The following JPH1 variants were observed in gnomAD, a reference collection of about 807,000 sequenced individuals.
The protein encoded by JPH1 is junctophilin-1.
JPH1 carries 12 observed loss-of-function variants against 53.6 expected under a neutral mutation model. The observed-to-expected ratio is 0.22, with a 90% CI of 0.14 to 0.36. The LOEUF (loss-of-function observed/expected upper bound fraction) is 0.36, where lower values mean the gene tolerates loss of function less well. Among genes scored for constraint, JPH1 ranks in the 10% least tolerant of loss-of-function variants. The pLI is 1.00. For missense variants in JPH1, 808 were observed against 905.5 expected (o/e 0.89, Z 1.38); for synonymous variants, 375 against 363.8 (o/e 1.03, Z -0.35).
At position 74,320,889 on chromosome 8, in the gene JPH1, C is replaced by G. The variant is rs1171034331; in HGVS notation, c.379+20G>C. ...CGCACCAGCTCGCGGAGCAGCCGAGCCGCCCGTTACGCCGCTCACCTCCGT... is the reference window on the plus strand; with the variant it reads ...CGCACCAGCTCGCGGAGCAGCCGAGGCGCCCGTTACGCCGCTCACCTCCGT... On this transcript the variant is annotated intron_variant, in intron 1 of 5. Coordinates refer to ENST00000342232, the MANE Select transcript of JPH1 (RefSeq NM_020647.4). This position sits in a 1 kb window ranked among gnomAD's most constrained non-coding sequence, Gnocchi z 4.4. The G allele has an allele frequency of 6.7e-7, 1 of 1,496,222 alleles. No individual in the cohort carries two copies. Among genetic ancestry groups the G allele is most frequent in the Non-Finnish European group, 8.9e-7 (1 of 1,123,468 alleles). 92.7% of individuals were successfully genotyped at this position (1,496,222 alleles called of 1,614,324 possible).
rs1293454673 is a variant in JPH1 at position 74,321,407 on chromosome 8, G to C, written c.-120C>G. 1.0e-6 allele frequency: 1 copy of C among 985,044 alleles called. No homozygotes were observed. Among genetic ancestry groups the C allele is most frequent in the Non-Finnish European group, 1.4e-6 (1 of 730,402 alleles). 61.0% of individuals were successfully genotyped at this position (985,044 alleles called of 1,614,324 possible). A position where few individuals can be genotyped will look rare whatever the true frequency, so the allele number is the denominator to read the frequency against. On this transcript the variant is annotated 5_prime_UTR_variant, in exon 1 of 6. Coordinates refer to ENST00000342232, the MANE Select transcript of JPH1 (RefSeq NM_020647.4). This position sits in a 1 kb window ranked among gnomAD's most constrained non-coding sequence, Gnocchi z 4.3. ...CGAGCTCACGACAGCGCCCTGGGCA[G>C]CTCGCGCTGCCGCTCGGCTCCAGTC...
intron 4 of JPH1, 39 bp from the exon 5 acceptor site, chr8:74,237,342 A>C: frequency 6.8e-7 from 1 of 1,474,774 alleles, no homozygotes; most frequent in Non-Finnish European, 9.4e-7. Flanking sequence ...TAACTTCTCC[A>C]TGTTAATATC....
rs1806184747 is a variant in JPH1 at position 74,255,231 on chromosome 8, A to T, written c.1258+4154T>A. Among the ~76,000 whole-genome samples, 3 of 152,242 alleles carry T rather than the reference A, an allele frequency of 2.0e-5. No individual in the cohort carries two copies. In the South Asian group the frequency reaches 6.2e-4, roughly 32 times the overall value. On this transcript the variant is annotated intron_variant, in intron 3 of 5. Coordinates refer to ENST00000342232, the MANE Select transcript of JPH1 (RefSeq NM_020647.4). Reference sequence around the variant, plus strand: ...AATGGAACAGAACAGAGCCCTCAGAAATAATGCTGCATATCTACAACTATC... The same window carrying T: ...AATGGAACAGAACAGAGCCCTCAGATATAATGCTGCATATCTACAACTATC...
intron 2 of JPH1, among the ~76,000 whole-genome samples, chr8:74,314,588 G>T (rs1808085518): frequency 6.6e-6 from 1 of 152,214 alleles, no homozygotes; most frequent in Non-Finnish European, 1.5e-5. Flanking sequence ...GGGTCTCAGT[G>T]AACTCCCTCA....
At chr8:74,249,566 C>T (rs1328896977) in intron 3 of JPH1, among the ~76,000 whole-genome samples, 2 of 152,188 alleles carry the variant, frequency 1.3e-5, no homozygotes, top group Non-Finnish European at 2.9e-5. Flanking sequence ...ACTGAATGTA[C>T]TGGAATGAAT....
chr8:74,251,934 A>G (rs950821699), intron 3 of JPH1, among the ~76,000 whole-genome samples: 8 of 152,310 alleles, frequency 5.3e-5, no homozygotes, highest in Middle Eastern at 3.4e-3. Flanking sequence ...CTACAAGGCT[A>G]CAGTAACCAA....
rs776250204 is a variant in JPH1, at chr8:74,315,466, G to C, written c.534C>G (p.Asp178Glu). 1 of 1,608,074 alleles carries C rather than the reference G, an allele frequency of 6.2e-7. No individual in the cohort carries two copies. The highest frequency in any genetic ancestry group is 8.5e-7 in the Non-Finnish European group (1 of 1,177,880). The change falls in exon 2 of 6, where the codon GAC becomes GAG. Residue 178 changes from aspartate (D) to glutamate (E), a missense_variant. By Grantham distance (45) the Asp-to-Glu change is conservative. Transcript: ENST00000342232. This position sits in a 1 kb window ranked among gnomAD's most constrained non-coding sequence, Gnocchi z 6.3. ...SEQSNGSVLH[D>E]AAAAADSPAG... The stretch of plus-strand genomic sequence containing the variant: ...CCGGGCTGTCGGCGGCGGCTGCGGC[G>C]TCGTGGAGCACGCTGCCATTGCTCT...
chr8:74,300,473 G>T (rs1389024573), intron 2 of JPH1, among the ~76,000 whole-genome samples: 3 of 152,204 alleles, frequency 2.0e-5, no homozygotes, highest in Non-Finnish European at 4.4e-5. Context: ...TACTAAGTGT[G>T]TAAGTATTGA....
chr8:74,268,563 A>G (rs1307145586), intron 2 of JPH1, among the ~76,000 whole-genome samples: 2 of 152,130 alleles, frequency 1.3e-5, no homozygotes, highest in Non-Finnish European at 2.9e-5. Context: ...ATGGATGCAT[A>G]TTCTATAAAG....
chr8:74,315,433 G>A lies in JPH1; in HGVS notation c.567C>T (p.Thr189=). The A allele has an allele frequency of 6.2e-7, 1 of 1,611,460 alleles. No homozygotes were observed. The highest frequency in any genetic ancestry group is 8.5e-7 in the Non-Finnish European group (1 of 1,179,392). The change falls in exon 2 of 6, where the codon ACC becomes ACT. Residue 189 remains threonine (T), a synonymous_variant. Transcript: ENST00000342232. The surrounding 1 kb of genome is among the most constrained non-coding windows in gnomAD (Gnocchi z 6.3). The stretch of plus-strand genomic sequence containing the variant: ...GGAAGTTGAGCACGAAACCGCCGCG[G>A]GTGCCGGCCGGGCTGTCGGCGGCGG... ...AAAAADSPAG[T]RGGFVLNFHA...
Position 74,314,929 on chromosome 8 carries a change from G to A in JPH1, c.1071C>T (p.Asp357=). ...IRHTKTREKV[D]RAIEGAQRAA... Reference sequence around the variant, plus strand: ...CCCTTTGGGCGCCTTCAATTGCTCTGTCCACCTTCTCCCTAGTTTTTGTAT... The same window carrying A: ...CCCTTTGGGCGCCTTCAATTGCTCTATCCACCTTCTCCCTAGTTTTTGTAT... The change falls in exon 2 of 6, where the codon GAC becomes GAT. Residue 357 remains aspartate, a synonymous_variant. Coordinates refer to ENST00000342232, the MANE Select transcript of JPH1 (RefSeq NM_020647.4). The A allele has an allele frequency of 6.2e-7, 1 of 1,614,144 alleles. No homozygotes were observed. The highest frequency in any genetic ancestry group is 1.1e-5 in the South Asian group (1 of 91,080).
chr8:74,238,508 A>C (rs1805607473), intron 4 of JPH1, among the ~76,000 whole-genome samples: 1 of 152,228 alleles, frequency 6.6e-6, no homozygotes, highest in Non-Finnish European at 1.5e-5. Flanking sequence ...ATTTTCCCCC[A>C]CAAGACTCTG....
At chr8:74,302,959 GAAAAA>G (rs34040034) in intron 2 of JPH1, among the ~76,000 whole-genome samples, 1 of 136,706 alleles carries the variant, frequency 7.3e-6, no homozygotes. Flanking sequence ...GCCAAGAAAA[GAAAAA>G]AAAAAAAAAA....
Position 74,270,526 on chromosome 8 carries a change from G to A in JPH1, c.1140-11023C>T, listed in dbSNP as rs771794768. Reference sequence around the variant, plus strand: ...ACAAATATGTAAACCAGGGTGACTCGTTTCTGTTTAGTACCCTTAAAGAAA... The same window carrying A: ...ACAAATATGTAAACCAGGGTGACTCATTTCTGTTTAGTACCCTTAAAGAAA... On this transcript the variant is annotated intron_variant, in intron 2 of 5. Transcript: ENST00000342232. 4.6e-5 allele frequency among the ~76,000 whole-genome samples: 7 copies of A among 152,162 alleles called. No individual in the cohort carries two copies. In the East Asian group the frequency reaches 7.7e-4, roughly 17 times the overall value.
intron 2 of JPH1, among the ~76,000 whole-genome samples, chr8:74,300,175 T>C (rs910060432): frequency 5.3e-5 from 8 of 152,128 alleles, no homozygotes; most frequent in African/African-American, 2.4e-5. Context: ...CACTAGGCTA[T>C]AGGCCAAGTA....
intron 2 of JPH1, among the ~76,000 whole-genome samples, chr8:74,291,800 G>T (rs1276410178): frequency 1.3e-5 from 2 of 152,176 alleles, no homozygotes; most frequent in South Asian, 2.1e-4. Flanking sequence ...TGATAGACTG[G>T]ATTAAGAAAA....
chr8:74,309,805 C>G (rs565230150), intron 2 of JPH1, among the ~76,000 whole-genome samples: 1 of 152,192 alleles, frequency 6.6e-6, no homozygotes, highest in Non-Finnish European at 1.5e-5. Flanking sequence ...TGATCTTGGG[C>G]AGAGCCTCAG....
chr8:74,264,794 T>A (rs1324388500), intron 2 of JPH1, among the ~76,000 whole-genome samples: 1 of 152,214 alleles, frequency 6.6e-6, no homozygotes, highest in Non-Finnish European at 1.5e-5. Flanking sequence ...AATGTTCACA[T>A]GCCTTTTGTA....
intron 2 of JPH1, among the ~76,000 whole-genome samples, chr8:74,295,562 T>G: frequency 6.6e-6 from 1 of 152,186 alleles, no homozygotes; most frequent in Non-Finnish European, 1.5e-5. Flanking sequence ...TAAACTCCTG[T>G]GAGCTGAGTA....
Sources: allele counts gnomAD v4.1 joint callset (sites outside exome capture counted in the v4.1 genomes callset), GRCh38; gene constraint gnomAD v4.1.1; non-coding constraint Gnocchi (gnomAD v3.1); transcripts MANE v1.5; gene names NCBI Gene and HGNC (gene_info 2026-07-23, HGNC 2026-07-21).